SLC20A2: variants seen among roughly 807,000 people sequenced by gnomAD.
The protein encoded by SLC20A2 is sodium-dependent phosphate transporter 2.
A neutral mutation model predicts 61.0 loss-of-function variants in SLC20A2; 30 were observed. The observed-to-expected ratio is 0.49, with a 90% CI of 0.37 to 0.67. The LOEUF (loss-of-function observed/expected upper bound fraction) is 0.67. Ranked by LOEUF, SLC20A2 falls within the 30% of genes least tolerant of loss-of-function variation. The pLI is 0.00. For synonymous variants in SLC20A2, 351 were observed against 353.3 expected (o/e 0.99, Z 0.07); for missense variants, 626 against 866.4 (o/e 0.72, Z 3.48).
chr8:42,527,770 A>G (rs1237809429), intron 1 of SLC20A2, among the ~76,000 whole-genome samples: 1 of 152,164 alleles, frequency 6.6e-6, no homozygotes, highest in Non-Finnish European at 1.5e-5. Context: ...CTCCGTCTCA[A>G]AAAAAATAAA....
chr8:42,422,938 T>C (rs1803144814), intron 10 of SLC20A2, among the ~76,000 whole-genome samples: 1 of 152,212 alleles, frequency 6.6e-6, no homozygotes. Context: ...CCCCTTCTTA[T>C]TTTGTTTTAA....
In SLC20A2 at chr8:42,454,759, T is replaced by TG. The variant is rs768382185; in HGVS notation, c.613+5136dup. 4.6e-5 allele frequency among the ~76,000 whole-genome samples: 7 copies of TG among 152,064 alleles called. No homozygotes were observed. The South Asian group carries it at 1.2e-3, about 27-fold the overall frequency. ...ATTATTATTGTTATTTTGGTAGAGATGGGGTCTTGCTATGTTGCCAAGGCT... is the reference window on the plus strand; with the variant it reads ...ATTATTATTGTTATTTTGGTAGAGATGGGGGTCTTGCTATGTTGCCAAGGCT... On this transcript the variant is annotated intron_variant, in intron 5 of 10. Transcript: ENST00000520262.
chr8:42,441,871 T>C (rs1345008179), intron 6 of SLC20A2, among the ~76,000 whole-genome samples: 1 of 152,018 alleles, frequency 6.6e-6, no homozygotes, highest in Non-Finnish European at 1.5e-5. Context: ...TTTTTTCCCA[T>C]TCTGTTCCCG....
chr8:42,468,154 G>A (rs1408491796), intron 2 of SLC20A2, among the ~76,000 whole-genome samples: 3 of 152,072 alleles, frequency 2.0e-5, no homozygotes, highest in East Asian at 1.9e-4. Context: ...CGCCTGCCTC[G>A]GCCTCCCAAA....
At chr8:42,498,779 C>T (rs1810125932) in intron 1 of SLC20A2, among the ~76,000 whole-genome samples, 1 of 151,746 alleles carries the variant, frequency 6.6e-6, no homozygotes, top group African/African-American at 2.4e-5. Flanking sequence ...AGAGAGAGAA[C>T]ATTCTAGGGA....
chr8:42,464,931 C>T lies in SLC20A2; in HGVS notation c.430+846G>A, dbSNP rs964933429. Among the ~76,000 whole-genome samples, 16 of 152,122 alleles carry T rather than the reference C, an allele frequency of 1.1e-4. No individual in the cohort carries two copies. The East Asian group carries it at 1.2e-3, about 11-fold the overall frequency. On this transcript the variant is annotated intron_variant, in intron 3 of 10. Transcript: ENST00000520262. ...CGGAGGTTGCAGTGAGCCGAGATTG[C>T]GCCACTGCACTCTAGCACTCCAGCC...
chr8:42,433,030 A>G (rs2130980776), intron 8 of SLC20A2, among the ~76,000 whole-genome samples: 1 of 152,276 alleles, frequency 6.6e-6, no homozygotes, highest in East Asian at 1.9e-4. Flanking sequence ...GGTGTATTTG[A>G]GGTTCACCTA....
chr8:42,438,001 T>C (rs949429053), intron 7 of SLC20A2, among the ~76,000 whole-genome samples: 3 of 135,766 alleles, frequency 2.2e-5, no homozygotes, highest in Admixed American at 8.7e-5. Flanking sequence ...TATTAACATA[T>C]ACTTTCTTTT....
chr8:42,490,628 G>T (rs984236819), intron 1 of SLC20A2, among the ~76,000 whole-genome samples: 1 of 151,762 alleles, frequency 6.6e-6, no homozygotes, highest in Non-Finnish European at 1.5e-5. Context: ...CCAAACTCTG[G>T]ATTTATTTAA....
At chr8:42,446,464 T>C (rs1021502264) in intron 5 of SLC20A2, among the ~76,000 whole-genome samples, 3 of 152,152 alleles carry the variant, frequency 2.0e-5, no homozygotes, top group Non-Finnish European at 4.4e-5. Context: ...ACAGCATTAT[T>C]TGTAATAGTA....
chr8:42,434,020 C>T (rs988577005), intron 8 of SLC20A2, among the ~76,000 whole-genome samples: 5 of 149,432 alleles, frequency 3.3e-5, no homozygotes, highest in African/African-American at 1.2e-4. Flanking sequence ...ACACTTGTTA[C>T]TTTTTTTTTT....
At chr8:42,452,606 T>G (rs1232321092) in intron 5 of SLC20A2, among the ~76,000 whole-genome samples, 102 of 94,862 alleles carry the variant, frequency 1.1e-3, no homozygotes, top group Middle Eastern at 9.3e-3. Flanking sequence ...AAGAGGAGGA[T>G]GAGGAGGAAG....
In SLC20A2 at chr8:42,459,896, CTGG is replaced by C. The variant is rs1254599590; in HGVS notation, c.610_612del (p.Pro204del). On this transcript the variant is annotated inframe_deletion and splice_region_variant, in exon 5 of 11. Transcript: ENST00000520262. ...GAGTATGCTTCCAAGGGATCCTTACCTGGTGCTCCTGTGTACATGATGGAAAAG... is the reference window on the plus strand; with the variant it reads ...GAGTATGCTTCCAAGGGATCCTTACCTGCTCCTGTGTACATGATGGAAAAG... 2 of 1,605,924 alleles carry C rather than the reference CTGG, an allele frequency of 1.2e-6. No individual in the cohort carries two copies. The highest frequency in any genetic ancestry group is 2.7e-5 in the African/African-American group (2 of 74,876).
intron 6 of SLC20A2, among the ~76,000 whole-genome samples, chr8:42,443,670 G>C (rs543698948): frequency 6.6e-6 from 1 of 151,880 alleles, no homozygotes; most frequent in Non-Finnish European, 1.5e-5. Context: ...ATGACCTGCC[G>C]CAAGTGGGCA....
intron 1 of SLC20A2, among the ~76,000 whole-genome samples, chr8:42,534,104 G>T (rs777212118): frequency 1.4e-4 from 21 of 151,884 alleles, no homozygotes; most frequent in Non-Finnish European, 2.4e-4. Context: ...ATCACCTGAG[G>T]TTGCGAGTTC....
chr8:42,450,175 T>C (rs757536940), intron 5 of SLC20A2, among the ~76,000 whole-genome samples: 26 of 151,024 alleles, frequency 1.7e-4, no homozygotes, highest in South Asian at 8.3e-4. Context: ...GCTCTATAAG[T>C]AAAAAATATA....
intron 1 of SLC20A2, among the ~76,000 whole-genome samples, chr8:42,492,049 T>C (rs1001895853): frequency 3.3e-5 from 5 of 152,060 alleles, no homozygotes; most frequent in African/African-American, 1.2e-4. Flanking sequence ...CTCTTTCTTC[T>C]CCCCAAAGGA....
Position 42,438,082 on chromosome 8 carries a change from A to AC in SLC20A2, c.935-506_935-505insG, listed in dbSNP as rs1563455917. Among the ~76,000 whole-genome samples the AC allele has an allele frequency of 4.0e-5, 6 of 150,000 alleles. 1 individual carries two copies. The highest frequency in any genetic ancestry group is 6.0e-5 in the Non-Finnish European group (4 of 67,176). On this transcript the variant is annotated intron_variant, in intron 7 of 10. Transcript: ENST00000520262. Reference sequence around the variant, plus strand: ...AAAAACCAAAAAAAAAAAAAAAAAAAAAAAAAACATGGAAACATACAACAA... The same window carrying AC: ...AAAAACCAAAAAAAAAAAAAAAAAAACAAAAAAACATGGAAACATACAACAA...
intron 10 of SLC20A2, among the ~76,000 whole-genome samples, chr8:42,421,632 C>A (rs1015916093): frequency 6.6e-6 from 1 of 152,072 alleles, no homozygotes; most frequent in Admixed American, 6.5e-5. Context: ...TGGAGAAACC[C>A]CGTCTCTACT....
Sources: gnomAD v4.1 joint callset for allele counts (sites outside exome capture counted in the v4.1 genomes callset) on GRCh38, gnomAD v4.1.1 for gene constraint, MANE v1.5 for transcripts, NCBI Gene and HGNC (gene_info 2026-07-23, HGNC 2026-07-21) for gene names.